Variants in TMEM117 observed in about 807,000 individuals in gnomAD.
The protein encoded by TMEM117 is transmembrane protein 117.
Under a neutral mutation model 52.4 loss-of-function variants are expected in TMEM117, and 27 were observed. The observed-to-expected ratio is 0.51, with a 90% CI of 0.38 to 0.71. TMEM117 has a LOEUF of 0.71. Ranked by LOEUF, TMEM117 falls within the 30% of genes least tolerant of loss-of-function variation. TMEM117 has a pLI of 0.00. For synonymous variants in TMEM117, 215 were observed against 206.3 expected (o/e 1.04, Z -0.36); for missense variants, 556 against 630.5 (o/e 0.88, Z 1.26).
chr12:43,967,890 C>T (rs184755325), intron 3 of TMEM117, among the ~76,000 whole-genome samples: 2 of 152,298 alleles, frequency 1.3e-5, no homozygotes, highest in African/African-American at 2.4e-5. Context: ...CATGCGTGTG[C>T]GTGTGGACAC....
chr12:44,081,501 C>G (rs1025356562), intron 3 of TMEM117, among the ~76,000 whole-genome samples: 1 of 152,038 alleles, frequency 6.6e-6, no homozygotes, highest in African/African-American at 2.4e-5. Flanking sequence ...GAGACAGAAG[C>G]GTCTGTGTTC....
chr12:43,881,128 T>G (rs1487331190), intron 2 of TMEM117, among the ~76,000 whole-genome samples: 2 of 152,250 alleles, frequency 1.3e-5, no homozygotes, highest in Non-Finnish European at 2.9e-5. Context: ...GAACTTGCAA[T>G]TTTTGGTCTA....
chr12:44,276,191 G>A (rs957846271), intron 5 of TMEM117, among the ~76,000 whole-genome samples: 1 of 152,132 alleles, frequency 6.6e-6, no homozygotes, highest in Admixed American at 6.5e-5. Flanking sequence ...GCACTGCCAT[G>A]TTCATTGCAG....
intron 7 of TMEM117, among the ~76,000 whole-genome samples, chr12:44,382,135 T>A (rs900407245): frequency 2.0e-5 from 3 of 152,318 alleles, no homozygotes; most frequent in Admixed American, 1.3e-4. Flanking sequence ...AAAACTCATC[T>A]TCTTCAGGGC....
chr12:43,812,721 C>T, the TMEM117 span, among the ~76,000 whole-genome samples: 15 of 151,882 alleles, frequency 9.9e-5, no homozygotes, highest in Non-Finnish European at 1.6e-4. Context: ...TAAGAGAAGC[C>T]GAGGTCGGGT....
At chr12:44,310,027 C>T (rs1018661899) in intron 6 of TMEM117, among the ~76,000 whole-genome samples, 8 of 152,064 alleles carry the variant, frequency 5.3e-5, no homozygotes, top group Non-Finnish European at 1.0e-4. Context: ...CCACTTTTCT[C>T]GTTGATAGCA....
the TMEM117 span, among the ~76,000 whole-genome samples, chr12:43,813,514 A>C: frequency 6.6e-6 from 1 of 151,876 alleles, no homozygotes; most frequent in Non-Finnish European, 1.5e-5. Flanking sequence ...GGTGTGAGCC[A>C]CCACACCTGG....
chr12:44,006,822 G>A (rs891498705), intron 3 of TMEM117, among the ~76,000 whole-genome samples: 10 of 152,088 alleles, frequency 6.6e-5, no homozygotes, highest in Admixed American at 5.2e-4. Flanking sequence ...ATAAGACAGC[G>A]TGGATTCCTT....
intron 3 of TMEM117, among the ~76,000 whole-genome samples, chr12:44,006,410 G>A (rs1946197222): frequency 6.6e-6 from 1 of 152,092 alleles, no homozygotes; most frequent in African/African-American, 2.4e-5. Context: ...ACTAGAATGG[G>A]GCATTTTTCC....
chr12:44,186,602 A>G (rs1377021403), intron 4 of TMEM117, among the ~76,000 whole-genome samples: 1 of 152,168 alleles, frequency 6.6e-6, no homozygotes, highest in Non-Finnish European at 1.5e-5. Context: ...CAAGGAGCAT[A>G]TGTTTAAAAA....
intron 2 of TMEM117, among the ~76,000 whole-genome samples, chr12:43,882,736 C>T (rs1003404838): frequency 3.3e-5 from 5 of 152,096 alleles, no homozygotes; most frequent in Non-Finnish European, 7.4e-5. Context: ...GGAAAGGAGG[C>T]TTTCTTCCTT....
At chr12:44,077,134 A>T (rs990247209) in intron 3 of TMEM117, among the ~76,000 whole-genome samples, 2 of 152,172 alleles carry the variant, frequency 1.3e-5, no homozygotes, top group African/African-American at 4.8e-5. Flanking sequence ...CTTAGCAGGA[A>T]CAAAGCTTTA....
chr12:43,837,566 C>T (rs868376147), intron 1 of TMEM117, among the ~76,000 whole-genome samples: 4 of 152,048 alleles, frequency 2.6e-5, no homozygotes, highest in Non-Finnish European at 5.9e-5. Context: ...AGGCTGGTCT[C>T]GAACTCTTGA....
intron 2 of TMEM117, among the ~76,000 whole-genome samples, chr12:43,855,454 T>TA (rs1943384201): frequency 6.6e-6 from 1 of 152,120 alleles, no homozygotes; most frequent in Admixed American, 6.6e-5. Context: ...TCATGATTTT[T>TA]TAAAAATGCT....
intron 5 of TMEM117, among the ~76,000 whole-genome samples, chr12:44,242,874 C>T (rs1002187255): frequency 2.0e-5 from 3 of 151,688 alleles, no homozygotes; most frequent in Admixed American, 6.6e-5. Context: ...ATTTACACTC[C>T]CACCAACAGT....
intron 2 of TMEM117, among the ~76,000 whole-genome samples, chr12:43,852,297 G>T (rs1438041496): frequency 6.6e-6 from 1 of 152,174 alleles, no homozygotes; most frequent in Non-Finnish European, 1.5e-5. Flanking sequence ...CAGGCGTGTT[G>T]GTGGGCGCCT....
chr12:44,379,895 T>C (rs1951996535), intron 7 of TMEM117, among the ~76,000 whole-genome samples: 1 of 152,146 alleles, frequency 6.6e-6, no homozygotes, highest in Admixed American at 6.5e-5. Context: ...TCTAGATCCG[T>C]CAGGGGATGA....
chr12:44,179,462 G>A (rs1002147354), intron 4 of TMEM117, among the ~76,000 whole-genome samples: 2 of 152,236 alleles, frequency 1.3e-5, no homozygotes, highest in African/African-American at 2.4e-5. Context: ...AGTTCAAAAG[G>A]CCAAGGAACC....
the TMEM117 span, among the ~76,000 whole-genome samples, chr12:43,820,099 ATTTTTTTTTGTT>A: frequency 5.4e-5 from 8 of 149,186 alleles, no homozygotes; most frequent in Non-Finnish European, 1.2e-4. Context: ...TTACAGGTGT[ATTTTTTTTTGTT>A]TTTGTTTTTG....
Sources: allele counts gnomAD v4.1 joint callset (sites outside exome capture counted in the v4.1 genomes callset), GRCh38; gene constraint gnomAD v4.1.1; transcripts MANE v1.5; gene names NCBI Gene and HGNC (gene_info 2026-07-23, HGNC 2026-07-21).